Variants in SOX5 observed in about 807,000 individuals in gnomAD.
The protein encoded by SOX5 is transcription factor SOX-5.
A neutral mutation model predicts 92.0 loss-of-function variants in SOX5; 9 were observed. The ratio of observed to expected loss-of-function variants is 0.10; its 90% CI spans 0.06 to 0.17. The LOEUF (loss-of-function observed/expected upper bound fraction) is 0.17, where lower values mean the gene tolerates loss of function less well. Ranked by LOEUF, SOX5 falls within the 10% of genes least tolerant of loss-of-function variation. The probability of loss-of-function intolerance (pLI) is 1.00; values close to 1 mark genes in which losing one functional copy is unlikely to be tolerated. For synonymous variants in SOX5, 344 were observed against 336.3 expected, an observed-to-expected ratio of 1.02 and a Z score of -0.25; for missense variants, 642 against 944.5, an observed-to-expected ratio of 0.68 and a Z score of 4.20.
intron 1 of SOX5, among the ~76,000 whole-genome samples, chr12:24,526,753 C>A (rs74070939): frequency 0.064 from 9,715 of 152,208 alleles, 602 homozygotes; most frequent in African/African-American, 0.16. Context: ...CCAACCAAAG[C>A]AGGTCCTGGG....
At chr12:23,979,698 G>GTTTTTTTGTTTTTTTTTTTT (rs1949313537) in intron 4 of SOX5, among the ~76,000 whole-genome samples, 4 of 64,692 alleles carry the variant, frequency 6.2e-5, no homozygotes, top group Non-Finnish European at 1.1e-4. Context: ...ATATATATAT[G>GTTTTTTTGTTTTTTTTTTTT]TTTTTTTTGT....
At chr12:24,447,190 C>T (rs759849121) in intron 1 of SOX5, among the ~76,000 whole-genome samples, 4 of 152,104 alleles carry the variant, frequency 2.6e-5, no homozygotes, top group Non-Finnish European at 4.4e-5. Flanking sequence ...AAAGGGAGAA[C>T]AGAGTAACTT....
At chr12:23,677,081 A>G (rs1420997068) in intron 6 of SOX5, among the ~76,000 whole-genome samples, 1 of 152,222 alleles carries the variant, frequency 6.6e-6, no homozygotes, top group Non-Finnish European at 1.5e-5. Flanking sequence ...TACAACATTC[A>G]TATTATACAA....
At position 23,655,956 on chromosome 12, in the gene SOX5, T is replaced by G. The variant is rs2082253510; in HGVS notation, c.931+9488A>C. Among the ~76,000 whole-genome samples, 9 of 152,214 alleles carry G rather than the reference T, an allele frequency of 5.9e-5. No homozygotes were observed. The South Asian group carries it at 1.9e-3, about 32-fold the overall frequency. On this transcript the variant is annotated intron_variant, in intron 7 of 14. Transcript: ENST00000451604. ...ACAACAGGAGTATATATTTAATGAATCATAATGATATTTTATATTTATACA... is the reference window on the plus strand; with the variant it reads ...ACAACAGGAGTATATATTTAATGAAGCATAATGATATTTTATATTTATACA...
At chr12:24,271,251 A>G (rs1943696114) in intron 3 of SOX5, among the ~76,000 whole-genome samples, 1 of 152,180 alleles carries the variant, frequency 6.6e-6, no homozygotes, top group Admixed American at 6.5e-5. Flanking sequence ...TTTATGTTGT[A>G]TCTCCTGGCT....
intron 1 of SOX5, among the ~76,000 whole-genome samples, chr12:23,909,948 GTTTT>G (rs952301365): frequency 6.7e-6 from 1 of 149,956 alleles, no homozygotes; most frequent in Non-Finnish European, 1.5e-5. Flanking sequence ...CTTTTTTTTT[GTTTT>G]TTGTTTTTTG....
At chr12:24,163,098 AC>A in intron 4 of SOX5, among the ~76,000 whole-genome samples, 1 of 152,252 alleles carries the variant, frequency 6.6e-6, no homozygotes, top group Non-Finnish European at 1.5e-5. Context: ...TAACAGTCAG[AC>A]TTTTAATTTC....
At position 23,798,312 on chromosome 12, in the gene SOX5, C is replaced by T. The variant is rs113063442; in HGVS notation, c.482-42588G>A. Among the ~76,000 whole-genome samples the T allele has an allele frequency of 5.0e-3, 753 of 151,878 alleles. 2 individuals carry two copies. Among genetic ancestry groups the T allele is most frequent in the African/African-American group, 0.016 (683 of 41,474 alleles). On this transcript the variant is annotated intron_variant, in intron 3 of 14. Coordinates refer to ENST00000451604, the MANE Select transcript of SOX5 (RefSeq NM_006940.6). ...TCTAAGGACCTAATAATTTGTGCTGCCTGAAAAAAATACAAAATTCTTATT... is the reference window on the plus strand; with the variant it reads ...TCTAAGGACCTAATAATTTGTGCTGTCTGAAAAAAATACAAAATTCTTATT...
chr12:24,062,023 A>G (rs563526038), intron 4 of SOX5, among the ~76,000 whole-genome samples: 2 of 152,222 alleles, frequency 1.3e-5, no homozygotes, highest in Non-Finnish European at 2.9e-5. Flanking sequence ...TTAAAAAAAC[A>G]ATATTAACAA....
chr12:24,214,018 T>C (rs1256854321), intron 3 of SOX5, among the ~76,000 whole-genome samples: 2 of 151,948 alleles, frequency 1.3e-5, no homozygotes, highest in Non-Finnish European at 2.9e-5. Context: ...TAACGGGCAC[T>C]GAAATGTATG....
chr12:24,289,304 G>T (rs1306125738), intron 2 of SOX5, among the ~76,000 whole-genome samples: 1 of 151,514 alleles, frequency 6.6e-6, no homozygotes, highest in African/African-American at 2.4e-5. Flanking sequence ...AAACAAAAAA[G>T]AATCTGATGA....
At chr12:24,182,648 C>T (rs1019556038) in intron 4 of SOX5, among the ~76,000 whole-genome samples, 1 of 151,702 alleles carries the variant, frequency 6.6e-6, no homozygotes, top group Admixed American at 6.6e-5. Flanking sequence ...GGATAGATTA[C>T]TCATATAAAT....
At chr12:24,189,269 G>A (rs2139383908) in intron 4 of SOX5, among the ~76,000 whole-genome samples, 1 of 152,238 alleles carries the variant, frequency 6.6e-6, no homozygotes, top group East Asian at 1.9e-4. Context: ...AGGCCTAAGA[G>A]CCAGGGATCC....
chr12:23,588,080 GTGA>G (rs1325143594), intron 9 of SOX5, among the ~76,000 whole-genome samples: 1 of 152,008 alleles, frequency 6.6e-6, no homozygotes, highest in Non-Finnish European at 1.5e-5. Context: ...ATTCCAAGGG[GTGA>G]TGACTATTTA....
rs146535349 is a variant in SOX5 at position 24,307,591 on chromosome 12, C to A, written c.-173-30279G>T. Among the ~76,000 whole-genome samples, 656 of 62,408 alleles carry A rather than the reference C, an allele frequency of 0.011. 281 individuals are homozygous for A. In the East Asian group the frequency reaches 0.38, roughly 37 times the overall value. The allele number at this position is 62,408 out of a possible 152,430, so 40.9% of individuals were successfully genotyped here. On this transcript the variant is annotated intron_variant, in intron 2 of 4. Transcript: ENST00000446891. The stretch of plus-strand genomic sequence containing the variant: ...ACATGCACTTGACCTCTCAAGTCGC[C>A]CATTTGGCCCTCTTCCAAGTGTACT...
intron 1 of SOX5, among the ~76,000 whole-genome samples, chr12:24,485,250 T>C (rs1946400905): frequency 6.6e-6 from 1 of 152,176 alleles, no homozygotes; most frequent in African/African-American, 2.4e-5. Flanking sequence ...TAAAATAACA[T>C]TTGGAGGATT....
chr12:23,807,468 C>T (rs1369898908), intron 3 of SOX5, among the ~76,000 whole-genome samples: 1 of 152,028 alleles, frequency 6.6e-6, no homozygotes, highest in Non-Finnish European at 1.5e-5. Flanking sequence ...ATAACAGAGG[C>T]AGAGATTAGA....
At chr12:23,966,780 C>T (rs926890198) in intron 4 of SOX5, among the ~76,000 whole-genome samples, 2 of 152,100 alleles carry the variant, frequency 1.3e-5, no homozygotes, top group Non-Finnish European at 2.9e-5. Flanking sequence ...AATATTACAA[C>T]TGATACAAAA....
chr12:24,329,851 C>T (rs1356352500), intron 2 of SOX5, among the ~76,000 whole-genome samples: 2 of 151,962 alleles, frequency 1.3e-5, no homozygotes, highest in Admixed American at 1.3e-4. Flanking sequence ...GGTGAAACCC[C>T]GTCTCTACTA....
Sources: allele counts gnomAD v4.1 joint callset (sites outside exome capture counted in the v4.1 genomes callset), GRCh38; gene constraint gnomAD v4.1.1; transcripts MANE v1.5; gene names NCBI Gene and HGNC (gene_info 2026-07-23, HGNC 2026-07-21).